The following CNTN4 variants were observed in gnomAD, a reference collection of about 807,000 sequenced individuals.
CNTN4 encodes the protein contactin-4.
Under a neutral mutation model 122.5 loss-of-function variants are expected in CNTN4, and 77 were observed. That is an observed-to-expected ratio of 0.63 (90% CI 0.52 to 0.76). The LOEUF is 0.76. CNTN4 is among the 30% of genes least tolerant of loss of function. The pLI is 0.00. For synonymous variants in CNTN4, 512 were observed against 447.0 expected, an observed-to-expected ratio of 1.15 and a Z score of -1.83; for missense variants, 1,256 against 1,259.1, an observed-to-expected ratio of 1.00 and a Z score of 0.04.
At chr3:2,544,159 C>T (rs1266517376) in intron 3 of CNTN4, among the ~76,000 whole-genome samples, 4 of 152,128 alleles carry the variant, frequency 2.6e-5, no homozygotes, top group South Asian at 2.1e-4. Context: ...TCAGACCCCA[C>T]GTGCCAATAT....
At chr3:2,444,809 T>C (rs2048561800) in intron 3 of CNTN4, among the ~76,000 whole-genome samples, 2 of 152,060 alleles carry the variant, frequency 1.3e-5, no homozygotes, top group East Asian at 1.9e-4. Context: ...CTTTTACTTA[T>C]GTGGTTTTAT....
At chr3:2,547,135 A>C (rs1488953969) in intron 3 of CNTN4, among the ~76,000 whole-genome samples, 1 of 152,116 alleles carries the variant, frequency 6.6e-6, no homozygotes, top group Non-Finnish European at 1.5e-5. Flanking sequence ...CCAGGTCTTC[A>C]AGACTGGGTA....
chr3:2,950,159 C>T (rs922326923), intron 13 of CNTN4, among the ~76,000 whole-genome samples: 2 of 152,156 alleles, frequency 1.3e-5, no homozygotes, highest in African/African-American at 4.8e-5. Flanking sequence ...TGGATGTATC[C>T]CCTCCAGAGA....
rs116362030 is a variant in CNTN4 at position 2,497,829 on chromosome 3, C to T, written c.-88-73587C>T. Among the ~76,000 whole-genome samples the T allele has an allele frequency of 8.6e-3, 1,306 of 152,234 alleles. 24 individuals are homozygous for T. Among genetic ancestry groups the T allele is most frequent in the African/African-American group, 0.03 (1,240 of 41,530 alleles). The stretch of plus-strand genomic sequence containing the variant: ...CTTATCTGTTATCTTTCTCCCTCCA[C>T]GGGATATAAACCTCATAATTGTCAT... On this transcript the variant is annotated intron_variant, in intron 3 of 24. Transcript: ENST00000418658.
chr3:2,496,507 T>C (rs1411990989), intron 3 of CNTN4, among the ~76,000 whole-genome samples: 1 of 152,190 alleles, frequency 6.6e-6, no homozygotes, highest in African/African-American at 2.4e-5. Flanking sequence ...AGAGTGCTAA[T>C]AATTCACCCC....
intron 2 of CNTN4, among the ~76,000 whole-genome samples, chr3:2,244,559 A>T (rs1481464168): frequency 1.3e-5 from 2 of 152,170 alleles, no homozygotes; most frequent in East Asian, 3.9e-4. Context: ...TATTTTGAGT[A>T]TATTAGGTTA....
intron 2 of CNTN4, among the ~76,000 whole-genome samples, chr3:2,154,235 A>G (rs1021439952): frequency 9.2e-5 from 14 of 152,020 alleles, no homozygotes; most frequent in African/African-American, 3.4e-4. Flanking sequence ...AAATACAAAC[A>G]TTAACCGGAT....
intron 7 of CNTN4, among the ~76,000 whole-genome samples, chr3:2,862,635 T>A (rs1048070106): frequency 6.6e-6 from 1 of 152,192 alleles, no homozygotes. Flanking sequence ...GAGCAATTAG[T>A]GTGTGAAAAC....
At chr3:2,809,919 C>T (rs967185220) in intron 6 of CNTN4, among the ~76,000 whole-genome samples, 2 of 152,060 alleles carry the variant, frequency 1.3e-5, no homozygotes, top group African/African-American at 4.8e-5. Flanking sequence ...AAGGAAAGAA[C>T]TAAAATGAGA....
chr3:2,829,059 G>A (rs1419585278), intron 7 of CNTN4, among the ~76,000 whole-genome samples: 4 of 152,080 alleles, frequency 2.6e-5, no homozygotes, highest in Non-Finnish European at 5.9e-5. Context: ...TATTCTTAAG[G>A]CGATCTTGTC....
At chr3:3,051,552 C>G (rs1248219889) in intron 23 of CNTN4, among the ~76,000 whole-genome samples, 1 of 152,132 alleles carries the variant, frequency 6.6e-6, no homozygotes, top group African/African-American at 2.4e-5. Context: ...ATCCCATCAG[C>G]CCATTCTCCT....
intron 3 of CNTN4, among the ~76,000 whole-genome samples, chr3:2,445,816 C>T (rs2048605028): frequency 6.6e-6 from 1 of 152,152 alleles, no homozygotes; most frequent in Non-Finnish European, 1.5e-5. Flanking sequence ...ACCCATCTCT[C>T]TCCACCACAT....
At chr3:2,921,710 A>G (rs949241104) in intron 12 of CNTN4, among the ~76,000 whole-genome samples, 2 of 152,166 alleles carry the variant, frequency 1.3e-5, no homozygotes, top group African/African-American at 2.4e-5. Context: ...TTCTTCAATA[A>G]TGTAGTAAGA....
chr3:2,390,564 T>G (rs575382545), intron 3 of CNTN4, among the ~76,000 whole-genome samples: 1 of 152,314 alleles, frequency 6.6e-6, no homozygotes, highest in East Asian at 1.9e-4. Flanking sequence ...CTTGTATTTT[T>G]CCTGTTGAAA....
chr3:2,620,183 G>A (rs1464696211), intron 4 of CNTN4, among the ~76,000 whole-genome samples: 4 of 152,174 alleles, frequency 2.6e-5, no homozygotes, highest in African/African-American at 7.2e-5. Flanking sequence ...CTTTGGTGAT[G>A]CAGAAAGTGG....
chr3:2,861,945 AT>A (rs1486923198), intron 7 of CNTN4, among the ~76,000 whole-genome samples: 2 of 152,204 alleles, frequency 1.3e-5, no homozygotes, highest in African/African-American at 4.8e-5. Flanking sequence ...TCCAAAATAC[AT>A]TTTTAAAGGA....
At chr3:2,712,418 G>A (rs1182054469) in intron 4 of CNTN4, among the ~76,000 whole-genome samples, 1 of 152,142 alleles carries the variant, frequency 6.6e-6, no homozygotes, top group African/African-American at 2.4e-5. Context: ...AGGAGAAAAG[G>A]TAACATCTTT....
chr3:2,236,892 G>C (rs1007599952), intron 2 of CNTN4, among the ~76,000 whole-genome samples: 1 of 152,150 alleles, frequency 6.6e-6, no homozygotes, highest in Non-Finnish European at 1.5e-5. Context: ...GGCAGAAGAC[G>C]GTTAAGAGAG....
At chr3:2,873,214 T>G (rs897043822) in intron 8 of CNTN4, among the ~76,000 whole-genome samples, 1 of 152,200 alleles carries the variant, frequency 6.6e-6, no homozygotes, top group Non-Finnish European at 1.5e-5. Flanking sequence ...AATGGGTGAT[T>G]TATAATAAGT....
Sources: gnomAD v4.1 joint callset for allele counts (sites outside exome capture counted in the v4.1 genomes callset) on GRCh38, gnomAD v4.1.1 for gene constraint, MANE v1.5 for transcripts, NCBI Gene and HGNC (gene_info 2026-07-23, HGNC 2026-07-21) for gene names.